The following ZNF528 variants were observed in gnomAD, a reference collection of about 807,000 sequenced individuals.
The protein encoded by ZNF528 is zinc finger protein 528.
ZNF528 carries 9 observed loss-of-function variants against 13.3 expected under a neutral mutation model. The observed-to-expected ratio is 0.67, with a 90% CI of 0.41 to 1.18. The LOEUF is 1.18. Among genes scored for constraint, ZNF528 ranks in the 50% most tolerant of loss-of-function variants. The probability of loss-of-function intolerance (pLI) is 0.01; values close to 1 mark genes in which losing one functional copy is unlikely to be tolerated. For missense variants in ZNF528, 858 were observed against 745.4 expected (o/e 1.15, Z -1.76); for synonymous variants, 264 against 254.3 (o/e 1.04, Z -0.36).
In ZNF528 at chr19:52,405,909, A is replaced by G. The variant is rs974320673; in HGVS notation, c.18A>G (p.Gly6=). 2 of 1,609,864 alleles carry G rather than the reference A, an allele frequency of 1.2e-6. No individual in the cohort carries two copies. Among genetic ancestry groups the G allele is most frequent in the African/African-American group, 2.7e-5 (2 of 74,822 alleles). The change falls in exon 5 of 7, where the codon GGA becomes GGG. Residue 6 remains glycine, a splice_region_variant and synonymous_variant. Coordinates refer to ENST00000360465, the MANE Select transcript of ZNF528 (RefSeq NM_032423.3). ...CTGAAATGTGGATTTTCTTTCAGGG[A>G]CCCTTGAAATTCATGGATGTGGCCA... MALTQ[G]PLKFMDVAIE... is the part of the protein sequence containing the mutation.
At position 52,416,309 on chromosome 19, in the gene ZNF528, T is replaced by C; in HGVS notation, c.1457T>C (p.Ile486Thr). The change falls in exon 7 of 7, where the codon ATT (isoleucine) becomes ACT (threonine). Residue 486 changes from isoleucine (I) to threonine (T), a missense_variant. Physicochemically the swap from Ile to Thr is moderately conservative, Grantham distance 89. Coordinates refer to ENST00000360465, the MANE Select transcript of ZNF528 (RefSeq NM_032423.3). The stretch of plus-strand genomic sequence containing the variant: ...TCTTCTCTAACCAGTCATCATAGAA[T>C]TCATACTGGAGAGAAGCCTTACAAA... ...YKSSLTSHHR[I>T]HTGEKPYKCN... The C allele has an allele frequency of 6.2e-7, 1 of 1,614,088 alleles. No individual in the cohort carries two copies.
In ZNF528 at chr19:52,416,283, G is replaced by C. The variant is rs770796056; in HGVS notation, c.1431G>C (p.Lys477Asn). The C allele has an allele frequency of 1.2e-6, 2 of 1,613,600 alleles. No individual in the cohort carries two copies. Among genetic ancestry groups the C allele is most frequent in the East Asian group, 2.2e-5 (1 of 44,824 alleles). Residue 477 changes from lysine to asparagine, a missense_variant, in exon 7 of 7, where the codon AAG becomes AAC. Coordinates refer to ENST00000360465, the MANE Select transcript of ZNF528 (RefSeq NM_032423.3). ...AATGTGGCAAAGTCTTCAGGTACAA[G>C]TCTTCTCTAACCAGTCATCATAGAA... is the stretch of plus-strand genomic sequence containing the variant. Reference protein sequence around the residue: ...CKECGKVFRYKSSLTSHHRIH... With the variant: ...CKECGKVFRYNSSLTSHHRIH...
intron 6 of ZNF528, chr19:52,414,154 C>T (rs892262546): frequency 3.1e-5 from 22 of 700,202 alleles, no homozygotes; most frequent in Middle Eastern, 4.6e-4. Context: ...ACCTTATATC[C>T]GCTGCCAGCC....
In ZNF528 at chr19:52,416,639, A is replaced by T; in HGVS notation, c.1787A>T (p.His596Leu). 1 of 1,614,202 alleles carries T rather than the reference A, an allele frequency of 6.2e-7. No homozygotes were observed. Among genetic ancestry groups the T allele is most frequent in the South Asian group, 1.1e-5 (1 of 91,084 alleles). ...CAGAAGTCTTCCCTCACCAATCACC[A>T]TAGAATTCACATTGGAGAGAAACCT... Reference protein sequence around the residue: ...FTQKSSLTNHHRIHIGEKPYK... With the variant: ...FTQKSSLTNHLRIHIGEKPYK... Residue 596 changes from histidine (H) to leucine (L), a missense_variant, in exon 7 of 7, where the codon CAT becomes CTT. By Grantham distance (99) the His-to-Leu change is moderately conservative (BLOSUM62 -3). Transcript: ENST00000360465.
Position 52,416,040 on chromosome 19 carries a change from G to A in ZNF528, c.1188G>A (p.Leu396=), listed in dbSNP as rs778210995. 6.2e-7 allele frequency: 1 copy of A among 1,614,032 alleles called. No individual in the cohort carries two copies. Residue 396 remains leucine (L), a synonymous_variant, in exon 7 of 7, where the codon CTG becomes CTA. Coordinates refer to ENST00000360465, the MANE Select transcript of ZNF528 (RefSeq NM_032423.3). ...CDKVFGRKCF[L]TSHQRIHTRE... The stretch of plus-strand genomic sequence containing the variant: ...AGGTCTTTGGGCGCAAGTGTTTCCT[G>A]ACCTCTCATCAGAGAATTCATACTA...
intron 6 of ZNF528, chr19:52,413,482 A>C (rs185315409): frequency 3.0e-4 from 45 of 152,330 alleles, no homozygotes; most frequent in Admixed American, 1.0e-3. Context: ...TAATTCCTTC[A>C]ACAACTAAAC....
At chr19:52,414,996 T>C in intron 6 of ZNF528, 128 bp from the exon 7 acceptor site, 1 of 1,551,208 alleles carries the variant, frequency 6.4e-7, no homozygotes, top group Non-Finnish European at 8.7e-7. Context: ...ACTGCCAGCA[T>C]GATACACACA....
rs367743832 is a variant in ZNF528 at position 52,412,088 on chromosome 19, G to T, written c.272-3036G>T. The T allele has an allele frequency of 2.0e-5, 3 of 152,264 alleles. No homozygotes were observed. The East Asian group carries it at 5.8e-4, about 29-fold the overall frequency. The allele number at this position is 152,264 out of a possible 1,614,324, so 9.4% of individuals were successfully genotyped here. A position where few individuals can be genotyped will look rare whatever the true frequency, so the allele number is the denominator to read the frequency against. Reference sequence around the variant, plus strand: ...CCATAAAATTTCTTTCCTTTAATTAGTACTACACAGGTAGGTCTATTAGAG... The same window carrying T: ...CCATAAAATTTCTTTCCTTTAATTATTACTACACAGGTAGGTCTATTAGAG... On this transcript the variant is annotated intron_variant, in intron 6 of 6. Coordinates refer to ENST00000360465, the MANE Select transcript of ZNF528 (RefSeq NM_032423.3).
chr19:52,400,356 C>T (rs1162939637), intron 2 of ZNF528, among the ~76,000 whole-genome samples: 1 of 152,038 alleles, frequency 6.6e-6, no homozygotes, highest in East Asian at 1.9e-4. Flanking sequence ...TTTCTGTGCT[C>T]CATGTAAGAG....
At chr19:52,407,586 G>A (rs1325354893) in intron 6 of ZNF528, among the ~76,000 whole-genome samples, 3 of 151,198 alleles carry the variant, frequency 2.0e-5, no homozygotes, top group Non-Finnish European at 4.4e-5. Flanking sequence ...GACCAGCCTG[G>A]CCAACATGGT....
At position 52,415,859 on chromosome 19, in the gene ZNF528, G is replaced by A. The variant is rs959686791; in HGVS notation, c.1007G>A (p.Arg336His). Residue 336 changes from arginine to histidine, a missense_variant, in exon 7 of 7, where the codon CGC becomes CAC. Transcript: ENST00000360465. ...AATAAATGTGGCAAGGTCTTTAGTC[G>A]CCATTCATATCTAGCAGAACATCAA... ...SCNKCGKVFS[R>H]HSYLAEHQTV... 33 of 1,613,398 alleles carry A rather than the reference G, an allele frequency of 2.0e-5. No individual in the cohort carries two copies. Among genetic ancestry groups the A allele is most frequent in the Middle Eastern group, 3.3e-4 (2 of 6,084 alleles).
intron 4 of ZNF528, chr19:52,402,388 AAGTTC>A: frequency 3.1e-6 from 1 of 322,350 alleles, no homozygotes; most frequent in Non-Finnish European, 5.6e-6. Context: ...CTGCACGTCA[AAGTTC>A]CTTTCTTTCT....
chr19:52,406,768 C>G, intron 6 of ZNF528, 125 bp downstream of exon 6: 1 of 1,262,350 alleles, frequency 7.9e-7, no homozygotes, highest in East Asian at 2.6e-5. Context: ...AATTCCTGGA[C>G]TTAAGGGATC....
chr19:52,411,134 A>T (rs894893689), intron 6 of ZNF528, among the ~76,000 whole-genome samples: 1 of 152,114 alleles, frequency 6.6e-6, no homozygotes, highest in Admixed American at 6.5e-5. Context: ...CATCCATAAA[A>T]TGAATGATAT....
In ZNF528 at chr19:52,416,879, CA is replaced by C; in HGVS notation, c.*141del. 1 of 772,496 alleles carries C rather than the reference CA, an allele frequency of 1.3e-6. No individual in the cohort carries two copies. Among genetic ancestry groups the C allele is most frequent in the Non-Finnish European group, 2.0e-6 (1 of 490,356 alleles). The allele number at this position is 772,496 out of a possible 1,614,324, so 47.9% of individuals were successfully genotyped here. ...TATCAAGGCCTGCCAAATCACTGGA[CA>C]TCACCACATCACTGTGGAGGATGAA... On this transcript the variant is annotated 3_prime_UTR_variant, in exon 7 of 7. Coordinates refer to ENST00000360465, the MANE Select transcript of ZNF528 (RefSeq NM_032423.3).
intron 6 of ZNF528, among the ~76,000 whole-genome samples, chr19:52,408,697 C>T (rs1018439540): frequency 2.0e-5 from 3 of 152,012 alleles, no homozygotes; most frequent in Non-Finnish European, 4.4e-5. Context: ...CCTCAGCCTC[C>T]CGAGTAGCTG....
Position 52,416,582 on chromosome 19 carries a change from A to G in ZNF528, c.1730A>G (p.His577Arg), listed in dbSNP as rs2059007961. 1.9e-6 allele frequency: 3 copies of G among 1,613,636 alleles called. No homozygotes were observed. The highest frequency in any genetic ancestry group is 1.3e-5 in the African/African-American group (1 of 75,050). Residue 577 changes from histidine to arginine, a missense_variant, in exon 7 of 7, where the codon CAT (histidine) becomes CGT (arginine). By Grantham distance (29) the His-to-Arg change is conservative. Transcript: ENST00000360465. ...HLAIHTEKKS[H>R]ECKECGKIFT... Reference sequence around the variant, plus strand: ...GCAATCCATACTGAAAAGAAATCTCATGAGTGTAAAGAATGTGGCAAGATC... The same window carrying G: ...GCAATCCATACTGAAAAGAAATCTCGTGAGTGTAAAGAATGTGGCAAGATC...
Position 52,415,631 on chromosome 19 carries a change from A to G in ZNF528, c.779A>G (p.Gln260Arg). Residue 260 changes from glutamine to arginine, a missense_variant, in exon 7 of 7, where the codon CAA becomes CGA. Physicochemically the swap from Gln to Arg is conservative, Grantham distance 43. Transcript: ENST00000360465. ...AGCAATTCAAACCTTTCACAACATC[A>G]AAGAATTCATACTGGAGAGAAGCCT... ...FSSNSNLSQHQRIHTGEKPYK... is the reference protein window; with the variant it reads ...FSSNSNLSQHRRIHTGEKPYK... 2.5e-6 allele frequency: 4 copies of G among 1,614,138 alleles called. No individual in the cohort carries two copies. In the South Asian group the frequency reaches 4.4e-5, roughly 18 times the overall value.
chr19:52,414,418 C>T (rs965476056), intron 6 of ZNF528: 2 of 660,862 alleles, frequency 3.0e-6, no homozygotes, highest in South Asian at 3.3e-5. Flanking sequence ...TGAACAAGGG[C>T]CCTGAGCTTT....
Sources: allele counts gnomAD v4.1 joint callset (sites outside exome capture counted in the v4.1 genomes callset), GRCh38; gene constraint gnomAD v4.1.1; transcripts MANE v1.5; gene names NCBI Gene and HGNC (gene_info 2026-07-23, HGNC 2026-07-21).